CDK5RAP1: variants seen among roughly 807,000 people sequenced by gnomAD.
CDK5RAP1 encodes CDK5RAP1 mitochondrial tRNA methylthiotransferase.
CDK5RAP1 carries 62 observed loss-of-function variants against 64.5 expected under a neutral mutation model. The ratio of observed to expected loss-of-function variants is 0.96; its 90% CI spans 0.78 to 1.19. The LOEUF is 1.19. Among genes scored for constraint, CDK5RAP1 ranks in the 50% most tolerant of loss-of-function variants. The pLI is 0.00. For missense variants in CDK5RAP1, 657 were observed against 735.0 expected, an observed-to-expected ratio of 0.89 and a Z score of 1.23; for synonymous variants, 250 against 261.9, an observed-to-expected ratio of 0.95 and a Z score of 0.44.
chr20:33,379,569 G>C lies in CDK5RAP1; in HGVS notation c.999C>G (p.Thr333=). Residue 333 remains threonine (T), a synonymous_variant, in exon 8 of 14, where the codon ACC becomes ACG. Transcript: ENST00000346416. The part of the protein sequence containing the change: ...LSRGFTTNYK[T]KQGGLRFAHL... ...GAGCAAAACGAAGTCCTCCTTGCTT[G>C]GTTTTATAGTTGGTGGTAAAGCCAC... 6.2e-7 allele frequency: 1 copy of C among 1,613,952 alleles called. No individual in the cohort carries two copies. The highest frequency in any genetic ancestry group is 8.5e-7 in the Non-Finnish European group (1 of 1,179,882).
At chr20:33,395,775 G>T (rs752762794) in intron 2 of CDK5RAP1, among the ~76,000 whole-genome samples, 1 of 152,224 alleles carries the variant, frequency 6.6e-6, no homozygotes, top group Non-Finnish European at 1.5e-5. Context: ...CACTTTGGGA[G>T]GCCAAGGCGG....
chr20:33,384,815 T>C (rs781076567), intron 7 of CDK5RAP1, among the ~76,000 whole-genome samples: 2 of 152,080 alleles, frequency 1.3e-5, no homozygotes, highest in African/African-American at 4.8e-5. Context: ...AGTGGGAGAA[T>C]TGCTTGAGTC....
chr20:33,395,043 A>T lies in CDK5RAP1; in HGVS notation c.378T>A (p.Ser126Arg), dbSNP rs767491609. 6.2e-7 allele frequency: 1 copy of T among 1,612,188 alleles called. No individual in the cohort carries two copies. The highest frequency in any genetic ancestry group is 2.2e-5 in the East Asian group (1 of 44,870). ...GGAGGTTACTGGTCCGCAGGTAGCC[A>T]CTCTTCTGTAAGATGGACCAGGCTA... is the stretch of plus-strand genomic sequence containing the variant. ...TEIAWSILQK[S>R]GYLRTSNLQE... is the part of the protein sequence containing the mutation. Residue 126 changes from serine to arginine, a missense_variant, in exon 3 of 14, where the codon AGT becomes AGA. By Grantham distance (110) the Ser-to-Arg change is moderately radical. Coordinates refer to ENST00000346416, the MANE Select transcript of CDK5RAP1 (RefSeq NM_016408.4).
chr20:33,400,412 T>C (rs953216188), intron 1 of CDK5RAP1, among the ~76,000 whole-genome samples: 5 of 152,326 alleles, frequency 3.3e-5, no homozygotes, highest in Non-Finnish European at 5.9e-5. Flanking sequence ...AAATCGCCCC[T>C]TTCTACTCCA....
intron 12 of CDK5RAP1, among the ~76,000 whole-genome samples, chr20:33,361,672 T>G (rs34276151): frequency 8.0e-6 from 1 of 125,012 alleles, no homozygotes; most frequent in East Asian, 2.4e-4. Flanking sequence ...AAAGTTTTTC[T>G]GGCCAGGCGC....
chr20:33,389,774 T>C, intron 5 of CDK5RAP1, among the ~76,000 whole-genome samples: 1 of 151,914 alleles, frequency 6.6e-6, no homozygotes, highest in Non-Finnish European at 1.5e-5. Flanking sequence ...AAGGGGGAAA[T>C]GTGGGGAAAA....
intron 8 of CDK5RAP1, among the ~76,000 whole-genome samples, chr20:33,378,833 C>T (rs1207124925): frequency 1.3e-5 from 2 of 152,132 alleles, no homozygotes; most frequent in African/African-American, 4.8e-5. Context: ...TACCGCCCCA[C>T]CACCATTATT....
intron 6 of CDK5RAP1, among the ~76,000 whole-genome samples, chr20:33,386,838 A>G (rs1298365830): frequency 6.6e-6 from 1 of 151,844 alleles, no homozygotes; most frequent in Non-Finnish European, 1.5e-5. Flanking sequence ...TCTCTGTCCC[A>G]AGTATTTAAC....
At chr20:33,370,771 A>G in intron 10 of CDK5RAP1, 142 bp from the exon 11 acceptor site, 1 of 778,152 alleles carries the variant, frequency 1.3e-6, no homozygotes, top group Non-Finnish European at 2.1e-6. Flanking sequence ...AAAATAGTAC[A>G]GAGTAAGGCG....
At chr20:33,398,850 C>T (rs1989136833) in intron 1 of CDK5RAP1, among the ~76,000 whole-genome samples, 1 of 152,062 alleles carries the variant, frequency 6.6e-6, no homozygotes, top group African/African-American at 2.4e-5. Context: ...TGCTTGAGCC[C>T]AGGAGATCAA....
At chr20:33,399,239 G>A (rs2146736407) in intron 1 of CDK5RAP1, among the ~76,000 whole-genome samples, 2 of 151,690 alleles carry the variant, frequency 1.3e-5, no homozygotes, top group East Asian at 3.9e-4. Context: ...CACATCTATG[G>A]CCTACTACAC....
intron 5 of CDK5RAP1, among the ~76,000 whole-genome samples, chr20:33,391,321 G>A (rs995371839): frequency 3.0e-4 from 45 of 151,818 alleles, no homozygotes; most frequent in African/African-American, 1.0e-3. Flanking sequence ...GTACAAACTG[G>A]TAGCCCCTAG....
chr20:33,375,170 G>A (rs1985781351), intron 8 of CDK5RAP1, among the ~76,000 whole-genome samples: 1 of 151,940 alleles, frequency 6.6e-6, no homozygotes, highest in Admixed American at 6.6e-5. Context: ...GGGAGGCTGA[G>A]GTGGGCAAAT....
chr20:33,362,653 T>C (rs1364283621), intron 12 of CDK5RAP1, among the ~76,000 whole-genome samples: 1 of 152,118 alleles, frequency 6.6e-6, no homozygotes, highest in East Asian at 1.9e-4. Context: ...ATAACAATGA[T>C]TTAGGGATAC....
intron 9 of CDK5RAP1, chr20:33,373,061 G>A (rs868330137): frequency 2.5e-5 from 5 of 201,062 alleles, no homozygotes; most frequent in African/African-American, 4.8e-5. Flanking sequence ...ACAGATGTGC[G>A]CCACCACACC....
At position 33,360,395 on chromosome 20, in the gene CDK5RAP1, C is replaced by G; in HGVS notation, c.1639G>C (p.Gly547Arg). 1 of 1,614,062 alleles carries G rather than the reference C, an allele frequency of 6.2e-7. No homozygotes were observed. Among genetic ancestry groups the G allele is most frequent in the South Asian group, 1.1e-5 (1 of 91,070 alleles). ...DAEMEDVNNP[G>R]LRVRAQPGDY... ...CCAGGCTGGGCTCTGACCCTGAGCC[C>G]AGGGTTATTGACATCCTCCATCTCT... Residue 547 changes from glycine (G) to arginine (R), a missense_variant, in exon 13 of 14, where the codon GGG becomes CGG. Physicochemically the swap from Gly to Arg is moderately radical, Grantham distance 125. Coordinates refer to ENST00000346416, the MANE Select transcript of CDK5RAP1 (RefSeq NM_016408.4).
intron 5 of CDK5RAP1, among the ~76,000 whole-genome samples, chr20:33,388,580 C>CT (rs1491110354): frequency 1.2e-4 from 15 of 122,968 alleles, no homozygotes; most frequent in South Asian, 6.8e-4. Context: ...CTCCCCCTCT[C>CT]CCTCTCTCCT....
rs774897163 is a variant in CDK5RAP1, at chr20:33,392,213, C to A, written c.473G>T (p.Arg158Leu). Residue 158 changes from arginine to leucine, a missense_variant, in exon 5 of 14, where the codon CGT (arginine) becomes CTT (leucine). Transcript: ENST00000346416. ...REKAEQTIWNRLHQLKALKTR... is the reference protein window; with the variant it reads ...REKAEQTIWNLLHQLKALKTR... The stretch of plus-strand genomic sequence containing the variant: ...CTTCAAGGCTTTAAGCTGATGTAAA[C>A]GGTTCCAGATGGTCTGCTCAGCCTT... 1 of 1,613,790 alleles carries A rather than the reference C, an allele frequency of 6.2e-7. No homozygotes were observed. The highest frequency in any genetic ancestry group is 8.5e-7 in the Non-Finnish European group (1 of 1,179,730).
rs115726281 is a variant in CDK5RAP1 at position 33,359,140 on chromosome 20, C to T, written c.1684-17G>A. On this transcript the variant is annotated splice_polypyrimidine_tract_variant and intron_variant, in intron 13 of 13. Coordinates refer to ENST00000346416, the MANE Select transcript of CDK5RAP1 (RefSeq NM_016408.4). ...TGAGGTGATCTGAAAGAAAACCAGG[C>T]AGAAGAAGGCAAAATAACTAGGACT... 3.4e-3 allele frequency: 5,397 copies of T among 1,584,934 alleles called. 143 individuals carry two copies. The African/African-American group carries it at 0.062, about 18-fold the overall frequency.
Sources: allele counts gnomAD v4.1 joint callset (sites outside exome capture counted in the v4.1 genomes callset), GRCh38; gene constraint gnomAD v4.1.1; transcripts MANE v1.5; gene names NCBI Gene and HGNC (gene_info 2026-07-23, HGNC 2026-07-21).